Variants in SLC35B1 observed in about 807,000 individuals in gnomAD.
SLC35B1 encodes the protein solute carrier family 35 member B1.
SLC35B1 carries 27 observed loss-of-function variants against 36.6 expected under a neutral mutation model. The observed-to-expected ratio is 0.74, with a 90% CI of 0.54 to 1.02. The LOEUF (loss-of-function observed/expected upper bound fraction) is 1.02, where lower values mean the gene tolerates loss of function less well. Ranked by LOEUF, SLC35B1 falls within the 50% of genes least tolerant of loss-of-function variation. SLC35B1 has a pLI of 0.00. For missense variants in SLC35B1, 321 were observed against 383.2 expected (o/e 0.84, Z 1.35); for synonymous variants, 162 against 152.5 (o/e 1.06, Z -0.46).
chr17:49,707,892 G>A lies in SLC35B1; in HGVS notation c.-59C>T, dbSNP rs1442168636. 3 of 1,600,580 alleles carry A rather than the reference G, an allele frequency of 1.9e-6. No homozygotes were observed. Among genetic ancestry groups the A allele is most frequent in the East Asian group, 2.2e-5 (1 of 44,482 alleles). ...CACAACCGGCACCGGCAGCAGCGGC[G>A]GCGGAGGCGACAGCTCCAGCCGGAC... is the stretch of plus-strand genomic sequence containing the variant. On this transcript the variant is annotated 5_prime_UTR_variant, in exon 1 of 9. Transcript: ENST00000240333.
At chr17:49,707,340 T>G in intron 1 of SLC35B1, 1 of 1,432,860 alleles carries the variant, frequency 7.0e-7, no homozygotes, top group Non-Finnish European at 9.2e-7. Context: ...TGAAATCAGG[T>G]ACCCCAGGCA....
intron 1 of SLC35B1, chr17:49,707,279 A>G: frequency 6.8e-7 from 1 of 1,463,432 alleles, no homozygotes; most frequent in Non-Finnish European, 9.1e-7. Context: ...TCCAAAGCCT[A>G]AGAAAAGAAT....
intron 5 of SLC35B1, 133 bp from the exon 6 acceptor site, chr17:49,704,359 T>C (rs911892636): frequency 3.4e-6 from 4 of 1,162,836 alleles, no homozygotes; most frequent in East Asian, 5.3e-5. Flanking sequence ...AACGTTGCCA[T>C]TTGGTCACAG....
At chr17:49,703,428 G>C (rs2073377829) in intron 6 of SLC35B1, 134 bp from the exon 7 acceptor site, 1 of 670,406 alleles carries the variant, frequency 1.5e-6, no homozygotes, top group Non-Finnish European at 2.7e-6. Context: ...TGGGACGCGG[G>C]AAAGTGTATG....
Position 49,704,160 on chromosome 17 carries a change from T to A in SLC35B1, c.595A>T (p.Thr199Ser). The change falls in exon 6 of 9, where the codon ACA (threonine) becomes TCA (serine). Residue 199 changes from threonine to serine, a missense_variant. Coordinates refer to ENST00000240333, the MANE Select transcript of SLC35B1 (RefSeq NM_005827.4). ...SQDHMRAHYQTGSNHMMLNIN... is the reference protein window; with the variant it reads ...SQDHMRAHYQSGSNHMMLNIN... ...TTCAGCATCATGTGGTTGGAGCCTGTTTGGTAATGAGCCCGCATGTGGTCC... is the reference window on the plus strand; with the variant it reads ...TTCAGCATCATGTGGTTGGAGCCTGATTGGTAATGAGCCCGCATGTGGTCC... 6.2e-7 allele frequency: 1 copy of A among 1,614,114 alleles called. No homozygotes were observed. The highest frequency in any genetic ancestry group is 8.5e-7 in the Non-Finnish European group (1 of 1,180,006).
chr17:49,707,344 C>A, intron 1 of SLC35B1: 1 of 1,433,220 alleles, frequency 7.0e-7, no homozygotes, highest in Non-Finnish European at 9.2e-7. Context: ...ATCAGGTACC[C>A]CAGGCAGGAG....
At position 49,701,076 on chromosome 17, in the gene SLC35B1, T is replaced by A. The variant is rs1412107891; in HGVS notation, c.*382A>T. ...GCTCTAACGGGACAAGCCTCACCCA[T>A]CGGAACAGAAGCCATTAGCACAATT... is the stretch of plus-strand genomic sequence containing the variant. On this transcript the variant is annotated 3_prime_UTR_variant, in exon 9 of 9. Transcript: ENST00000240333. The A allele has an allele frequency of 5.7e-6, 1 of 174,912 alleles. No homozygotes were observed. Among genetic ancestry groups the A allele is most frequent in the Admixed American group, 5.7e-5 (1 of 17,678 alleles). 10.8% of individuals were successfully genotyped at this position (174,912 alleles called of 1,614,324 possible).
At chr17:49,702,525 G>C in intron 8 of SLC35B1, 1 of 194,430 alleles carries the variant, frequency 5.1e-6, no homozygotes, top group Non-Finnish European at 1.1e-5. Context: ...CTGAGGTTGG[G>C]AGTTCGAGAC....
At position 49,701,449 on chromosome 17, in the gene SLC35B1, T is replaced by C; in HGVS notation, c.*9A>G. On this transcript the variant is annotated 3_prime_UTR_variant, in exon 9 of 9. Coordinates refer to ENST00000240333, the MANE Select transcript of SLC35B1 (RefSeq NM_005827.4). ...AAATATTCTTGATGTGGAGGTAGTCTCTCTCTTCCTAGTGGGATGTCTTCT... is the reference window on the plus strand; with the variant it reads ...AAATATTCTTGATGTGGAGGTAGTCCCTCTCTTCCTAGTGGGATGTCTTCT... 6.2e-7 allele frequency: 1 copy of C among 1,608,672 alleles called. No homozygotes were observed. Among genetic ancestry groups the C allele is most frequent in the Non-Finnish European group, 8.5e-7 (1 of 1,175,116 alleles).
Position 49,701,477 on chromosome 17 carries a change from G to T in SLC35B1, c.950C>A (p.Ala317Asp), listed in dbSNP as rs2073350320. 2.5e-6 allele frequency: 4 copies of T among 1,613,646 alleles called. No individual in the cohort carries two copies. In the East Asian group the frequency reaches 6.7e-5, roughly 27 times the overall value. The change falls in exon 9 of 9, where the codon GCT becomes GAT. Residue 317 changes from alanine to aspartate, a missense_variant. Coordinates refer to ENST00000240333, the MANE Select transcript of SLC35B1 (RefSeq NM_005827.4). ...CTCTTCCTAGTGGGATGTCTTCTTA[G>T]CTCCTTTCCCAAACTTGGCATCAAG... ...LGLDAKFGKG[A>D]KKTSH
At position 49,701,317 on chromosome 17, in the gene SLC35B1, TA is replaced by T. The variant is rs146168765; in HGVS notation, c.*140del. 8.1e-3 allele frequency: 5,369 copies of T among 662,394 alleles called. 221 individuals are homozygous for T. In the African/African-American group the frequency reaches 0.085, roughly 11 times the overall value. The allele number at this position is 662,394 out of a possible 1,614,324, so 41.0% of individuals were successfully genotyped here. A position where few individuals can be genotyped will look rare whatever the true frequency, so the allele number is the denominator to read the frequency against. ...TAAAATCCAAGTGCATTTTTTAGAATATGTGATTTTGCTTGATTTTATTTTA... is the reference window on the plus strand; with the variant it reads ...TAAAATCCAAGTGCATTTTTTAGAATTGTGATTTTGCTTGATTTTATTTTA... On this transcript the variant is annotated 3_prime_UTR_variant, in exon 9 of 9. Coordinates refer to ENST00000240333, the MANE Select transcript of SLC35B1 (RefSeq NM_005827.4).
At position 49,707,873 on chromosome 17, in the gene SLC35B1, C is replaced by T; in HGVS notation, c.-40G>A. ...AGCCGACTGGAGACCCGCTCACAAC[C>T]GGCACCGGCAGCAGCGGCGGCGGAG... is the stretch of plus-strand genomic sequence containing the variant. On this transcript the variant is annotated 5_prime_UTR_variant, in exon 1 of 9. Transcript: ENST00000240333. 6.2e-7 allele frequency: 1 copy of T among 1,608,402 alleles called. No individual in the cohort carries two copies. The highest frequency in any genetic ancestry group is 1.3e-5 in the African/African-American group (1 of 74,974).
In SLC35B1 at chr17:49,707,713, C is replaced by G. The variant is rs201529965; in HGVS notation, c.104+17G>C. ...AGGCTGGGGAGAGACTGTCGGCCCG[C>G]CCCCGGGGTCGCTCACATCTTTTCC... On this transcript the variant is annotated intron_variant, in intron 1 of 8. Transcript: ENST00000240333. The G allele has an allele frequency of 6.2e-7, 1 of 1,607,888 alleles. No homozygotes were observed. The highest frequency in any genetic ancestry group is 8.5e-7 in the Non-Finnish European group (1 of 1,177,510).
intron 6 of SLC35B1, 119 bp downstream of exon 6, chr17:49,703,981 G>T: frequency 7.4e-7 from 1 of 1,346,926 alleles, no homozygotes; most frequent in Non-Finnish European, 1.1e-6. Flanking sequence ...TGAACAAAAG[G>T]GCATCTTGGA....
intron 8 of SLC35B1, chr17:49,701,752 A>G (rs1181880501): frequency 4.5e-6 from 2 of 448,696 alleles, no homozygotes; most frequent in Non-Finnish European, 8.1e-6. Flanking sequence ...AGATATAGAT[A>G]CATATATAAT....
intron 6 of SLC35B1, chr17:49,703,701 G>T: frequency 3.2e-6 from 1 of 315,014 alleles, no homozygotes; most frequent in Non-Finnish European, 6.1e-6. Flanking sequence ...TTCTACATGT[G>T]CCCAAATTTG....
chr17:49,705,853 C>T lies in SLC35B1; in HGVS notation c.370+13G>A, dbSNP rs745640623. 1.9e-6 allele frequency: 3 copies of T among 1,613,648 alleles called. No individual in the cohort carries two copies. Among genetic ancestry groups the T allele is most frequent in the Non-Finnish European group, 2.5e-6 (3 of 1,179,630 alleles). ...AGTGACGACAGAAGAGGAAGACCAT[C>T]TTCTTTGCTTACCTGGGATTGGCTT... On this transcript the variant is annotated intron_variant, in intron 4 of 8. Transcript: ENST00000240333.
chr17:49,705,362 GAAAAGA>G, intron 4 of SLC35B1, 81 bp from the exon 5 acceptor site: 13 of 1,375,586 alleles, frequency 9.5e-6, no homozygotes, highest in Non-Finnish European at 1.3e-5. Flanking sequence ...CAGGAACCAA[GAAAAGA>G]CTCAGGGAGA....
chr17:49,702,630 G>A, intron 8 of SLC35B1: 2 of 462,696 alleles, frequency 4.3e-6, no homozygotes, highest in Non-Finnish European at 7.8e-6. Context: ...TACTCCGGAT[G>A]CTGAGGCAGG....
Sources: allele counts gnomAD v4.1 joint callset, GRCh38; gene constraint gnomAD v4.1.1; transcripts MANE v1.5; gene names NCBI Gene and HGNC (gene_info 2026-07-23, HGNC 2026-07-21).